The following ABHD12 variants were observed in gnomAD, a reference collection of about 807,000 sequenced individuals.
ABHD12 encodes abhydrolase domain containing 12, lysophospholipase, also known as lysophosphatidylserine lipase ABHD12.
ABHD12 carries 43 observed loss-of-function variants against 58.3 expected under a neutral mutation model. The ratio of observed to expected loss-of-function variants is 0.74; its 90% CI spans 0.58 to 0.95. ABHD12 has a LOEUF of 0.95. Ranked by LOEUF, ABHD12 falls within the 40% of genes least tolerant of loss-of-function variation. The pLI is 0.00. For synonymous variants in ABHD12, 219 were observed against 211.2 expected, an observed-to-expected ratio of 1.04 and a Z score of -0.32; for missense variants, 539 against 537.2, an observed-to-expected ratio of 1.00 and a Z score of -0.03.
chr20:25,303,208 C>G (rs925240329), intron 11 of ABHD12: 1 of 1,203,844 alleles, frequency 8.3e-7, no homozygotes, highest in African/African-American at 1.6e-5. Context: ...GCCCTTCCAG[C>G]TGAGTTCCCA....
At chr20:25,337,079 T>C (rs2146028922) in intron 2 of ABHD12, among the ~76,000 whole-genome samples, 1 of 152,224 alleles carries the variant, frequency 6.6e-6, no homozygotes, top group Middle Eastern at 3.4e-3. Flanking sequence ...CTGGGCAACA[T>C]GGCAAAACCC....
At chr20:25,302,150 C>G in intron 12 of ABHD12, 69 bp downstream of exon 12, 2 of 1,606,672 alleles carry the variant, frequency 1.2e-6, no homozygotes, top group East Asian at 2.2e-5. Flanking sequence ...GCAGCTGCCA[C>G]CTGCTGCACG....
Position 25,390,729 on chromosome 20 carries a change from G to C in ABHD12, c.-26C>G, listed in dbSNP as rs1371210427. ...CCCGCGGCCGACAGGGCCAGCCGCC[G>C]ACGGCGCCCGCTGGCCTGCGCCGCA... On this transcript the variant is annotated 5_prime_UTR_variant, in exon 1 of 13. Transcript: ENST00000339157. 1.6e-6 allele frequency: 2 copies of C among 1,219,616 alleles called. No homozygotes were observed. The highest frequency in any genetic ancestry group is 4.0e-5 in the African/African-American group (2 of 50,140). 75.5% of individuals were successfully genotyped at this position (1,219,616 alleles called of 1,614,324 possible).
intron 1 of ABHD12, among the ~76,000 whole-genome samples, chr20:25,369,788 T>C (rs1261352585): frequency 1.3e-5 from 2 of 152,122 alleles, no homozygotes; most frequent in South Asian, 2.1e-4. Context: ...TGGCCAGGCA[T>C]GGTGGCTCGC....
chr20:25,305,913 C>T (rs1431948099), intron 10 of ABHD12, among the ~76,000 whole-genome samples: 1 of 152,074 alleles, frequency 6.6e-6, no homozygotes, highest in Non-Finnish European at 1.5e-5. Context: ...CGCCTGTAAT[C>T]CCAGCACTTT....
intron 2 of ABHD12, among the ~76,000 whole-genome samples, chr20:25,331,524 T>C (rs2089275903): frequency 6.6e-6 from 1 of 150,952 alleles, no homozygotes; most frequent in Non-Finnish European, 1.5e-5. Context: ...AAAGTTGAAA[T>C]GAAGGAAAAA....
intron 1 of ABHD12, among the ~76,000 whole-genome samples, chr20:25,373,460 T>C (rs1050027471): frequency 6.6e-5 from 10 of 151,988 alleles, no homozygotes; most frequent in African/African-American, 2.2e-4. Flanking sequence ...GGCAGGAGAA[T>C]TGCTTGAATC....
chr20:25,334,497 G>A (rs966279703), intron 2 of ABHD12, among the ~76,000 whole-genome samples: 3 of 152,160 alleles, frequency 2.0e-5, no homozygotes, highest in African/African-American at 7.2e-5. Context: ...GCATCGCCAA[G>A]TCAATCCTAA....
chr20:25,368,452 G>A (rs1265733080), intron 1 of ABHD12: 23 of 1,594,554 alleles, frequency 1.4e-5, no homozygotes, highest in Non-Finnish European at 1.8e-5. Flanking sequence ...AACCGTTTGT[G>A]TTGGGTCCAG....
chr20:25,386,325 C>G (rs2090090016), intron 1 of ABHD12, among the ~76,000 whole-genome samples: 1 of 147,994 alleles, frequency 6.8e-6, no homozygotes, highest in African/African-American at 2.5e-5. Context: ...GTGGTGCAAT[C>G]TGGGCTCGCT....
downstream of ABHD12, among the ~76,000 whole-genome samples, chr20:25,298,523 G>C (rs1438928158): frequency 6.6e-6 from 1 of 152,196 alleles, no homozygotes; most frequent in East Asian, 1.9e-4. Flanking sequence ...CGAAAGTGCT[G>C]AGATTACAGT....
In ABHD12 at chr20:25,358,061, A is replaced by G. The variant is rs528676787; in HGVS notation, c.192-18710T>C. Among the ~76,000 whole-genome samples the G allele has an allele frequency of 4.9e-4, 74 of 152,284 alleles. 1 individual carries two copies. The highest frequency in any genetic ancestry group is 1.7e-3 in the African/African-American group (70 of 41,560). On this transcript the variant is annotated intron_variant, in intron 1 of 12. Transcript: ENST00000339157. ...TCTAATGACAGCAGGGGTGGGGGAA[A>G]TGGGCACTGAGGCTCTCTTGGTAGG...
At position 25,352,813 on chromosome 20, in the gene ABHD12, G is replaced by A. The variant is rs982941019; in HGVS notation, c.192-13462C>T. 2.0e-5 allele frequency among the ~76,000 whole-genome samples: 3 copies of A among 152,140 alleles called. No homozygotes were observed. In the South Asian group the frequency reaches 6.2e-4, roughly 32 times the overall value. On this transcript the variant is annotated intron_variant, in intron 1 of 12. Coordinates refer to ENST00000339157, the MANE Select transcript of ABHD12 (RefSeq NM_001042472.3). ...AATTCCAGCACTTTGGGAGGCCAAA[G>A]CAAGAGAATAGCTTGAGGACAGGAG...
At chr20:25,333,652 T>C (rs1337500166) in intron 2 of ABHD12, among the ~76,000 whole-genome samples, 1 of 151,866 alleles carries the variant, frequency 6.6e-6, no homozygotes, top group African/African-American at 2.4e-5. Flanking sequence ...GTTGGTTCAA[T>C]ATACGCAAAT....
intron 3 of ABHD12, among the ~76,000 whole-genome samples, chr20:25,321,945 A>G: frequency 6.6e-6 from 1 of 152,220 alleles, no homozygotes; most frequent in South Asian, 2.1e-4. Context: ...AAATGTCTGA[A>G]TGTTCTCTCA....
At chr20:25,354,189 T>C (rs1389010385) in intron 1 of ABHD12, among the ~76,000 whole-genome samples, 5 of 152,324 alleles carry the variant, frequency 3.3e-5, no homozygotes, top group Non-Finnish European at 7.4e-5. Context: ...CTAAGTTGAA[T>C]GTAGCACTAG....
chr20:25,322,381 ATTTT>A (rs199757666), intron 3 of ABHD12, among the ~76,000 whole-genome samples: 23 of 59,242 alleles, frequency 3.9e-4, no homozygotes, highest in Non-Finnish European at 5.4e-4. Flanking sequence ...ATATATATAT[ATTTT>A]TTTTTTTTTT....
downstream of ABHD12, among the ~76,000 whole-genome samples, chr20:25,298,809 T>A (rs1019385566): frequency 6.6e-6 from 1 of 152,178 alleles, no homozygotes; most frequent in Non-Finnish European, 1.5e-5. Flanking sequence ...ACTGGGATGC[T>A]GGAGTGCCAT....
intron 10 of ABHD12, among the ~76,000 whole-genome samples, chr20:25,305,952 G>C (rs1029231862): frequency 6.6e-6 from 1 of 152,078 alleles, no homozygotes; most frequent in Non-Finnish European, 1.5e-5. Flanking sequence ...GATCACCCGA[G>C]ATCAGGAGTT....
Sources: gnomAD v4.1 joint callset for allele counts (sites outside exome capture counted in the v4.1 genomes callset) on GRCh38, gnomAD v4.1.1 for gene constraint, MANE v1.5 for transcripts, NCBI Gene and HGNC (gene_info 2026-07-23, HGNC 2026-07-21) for gene names.